The following L3MBTL4 variants were observed in gnomAD, a reference collection of about 807,000 sequenced individuals.
L3MBTL4 encodes the protein lethal(3)malignant brain tumor-like protein 4.
L3MBTL4 carries 70 observed loss-of-function variants against 84.5 expected under a neutral mutation model. The observed-to-expected ratio is 0.83, with a 90% CI of 0.68 to 1.01. The LOEUF (loss-of-function observed/expected upper bound fraction) is 1.01. L3MBTL4 is among the 50% of genes least tolerant of loss of function. The pLI, the probability that L3MBTL4 is intolerant of heterozygous loss-of-function variation, is 0.00. For synonymous variants in L3MBTL4, 274 were observed against 259.8 expected, an observed-to-expected ratio of 1.05 and a Z score of -0.52; for missense variants, 715 against 754.8, an observed-to-expected ratio of 0.95 and a Z score of 0.62.
chr18:6,289,347 T>A (rs911667349), intron 4 of L3MBTL4, among the ~76,000 whole-genome samples: 4 of 152,186 alleles, frequency 2.6e-5, no homozygotes. Flanking sequence ...CAACAAGGTT[T>A]TTTTGAAATA....
At chr18:6,218,810 A>T (rs995873673) in intron 10 of L3MBTL4, among the ~76,000 whole-genome samples, 8 of 152,190 alleles carry the variant, frequency 5.3e-5, no homozygotes, top group African/African-American at 1.9e-4. Context: ...CCCAGCCCTG[A>T]GTCCTGGTAG....
intron 7 of L3MBTL4, among the ~76,000 whole-genome samples, chr18:6,242,783 C>T (rs552370725): frequency 2.6e-5 from 4 of 152,330 alleles, no homozygotes; most frequent in Admixed American, 2.6e-4. Flanking sequence ...GTTTTGGTCA[C>T]ATCTGCCTGG....
intron 5 of L3MBTL4, among the ~76,000 whole-genome samples, chr18:6,252,658 G>A (rs1333209032): frequency 6.6e-6 from 1 of 152,158 alleles, no homozygotes; most frequent in East Asian, 1.9e-4. Context: ...GATACTAAAT[G>A]AGCAGGCAGG....
In L3MBTL4 at chr18:6,283,995, T is replaced by A. The variant is rs542127535; in HGVS notation, c.127+17908A>T. ...AAATAACCAAAGTCTGGGCGATCAT[T>A]CTCTACGTATGTGGCCGGCAGCCAC... On this transcript the variant is annotated intron_variant, in intron 4 of 18. Coordinates refer to ENST00000317931, the MANE Select transcript of L3MBTL4 (RefSeq NM_001330559.2). Among the ~76,000 whole-genome samples, 20 of 152,346 alleles carry A rather than the reference T, an allele frequency of 1.3e-4. No individual in the cohort carries two copies. In the East Asian group the frequency reaches 2.5e-3, roughly 19 times the overall value.
intron 16 of L3MBTL4, chr18:6,029,689 A>G: frequency 1.0e-6 from 1 of 985,322 alleles, no homozygotes; most frequent in Non-Finnish European, 1.2e-6. Context: ...TACTATGGTC[A>G]AGTTCACAAA....
At chr18:5,999,928 G>A (rs946393149) in intron 16 of L3MBTL4, among the ~76,000 whole-genome samples, 4 of 152,148 alleles carry the variant, frequency 2.6e-5, no homozygotes, top group African/African-American at 7.2e-5. Flanking sequence ...GCTACACAGA[G>A]AATAGTCCAG....
intron 16 of L3MBTL4, among the ~76,000 whole-genome samples, chr18:6,080,458 T>C (rs1482952813): frequency 6.6e-6 from 1 of 152,234 alleles, no homozygotes; most frequent in African/African-American, 2.4e-5. Context: ...TCTGATGGTT[T>C]AATTTTTTGC....
chr18:6,338,845 TAAAAC>T (rs1290370678), intron 1 of L3MBTL4, among the ~76,000 whole-genome samples: 10 of 152,140 alleles, frequency 6.6e-5, no homozygotes, highest in Admixed American at 6.5e-4. Flanking sequence ...AAAAGATTGA[TAAAAC>T]TATACTAATA....
At position 6,213,180 on chromosome 18, in the gene L3MBTL4, G is replaced by A. The variant is rs764868062; in HGVS notation, c.950C>T (p.Thr317Met). 8 of 1,605,494 alleles carry A rather than the reference G, an allele frequency of 5.0e-6. No individual in the cohort carries two copies. Among genetic ancestry groups the A allele is most frequent in the South Asian group, 1.1e-5 (1 of 88,780 alleles). ...TCTTTGGTCATCAACATCTACAATCGTAGCAACACGAATTAACCTGGGGTT... is the reference window on the plus strand; with the variant it reads ...TCTTTGGTCATCAACATCTACAATCATAGCAACACGAATTAACCTGGGGTT... ...KRNPRLIRVA[T>M]IVDVDDQRVK... The change falls in exon 12 of 19, where the codon ACG (threonine) becomes ATG (methionine). Residue 317 changes from threonine (T) to methionine (M), a missense_variant. Coordinates refer to ENST00000317931, the MANE Select transcript of L3MBTL4 (RefSeq NM_001330559.2).
At chr18:6,032,537 T>TA (rs1202934021) in intron 16 of L3MBTL4, among the ~76,000 whole-genome samples, 1 of 144,540 alleles carries the variant, frequency 6.9e-6, no homozygotes, top group Non-Finnish European at 1.5e-5. Context: ...TTTTATCCTG[T>TA]TTTTTTTTTA....
chr18:6,148,212 T>A (rs1296693301), intron 13 of L3MBTL4, among the ~76,000 whole-genome samples: 1 of 152,202 alleles, frequency 6.6e-6, no homozygotes, highest in Non-Finnish European at 1.5e-5. Context: ...CATTCAAAAA[T>A]GTCACATTAG....
Position 6,209,644 on chromosome 18 carries a change from T to A in L3MBTL4, c.981+3505A>T, listed in dbSNP as rs370813332. Among the ~76,000 whole-genome samples, 12 of 152,234 alleles carry A rather than the reference T, an allele frequency of 7.9e-5. No individual in the cohort carries two copies. The East Asian group carries it at 1.9e-3, about 24-fold the overall frequency. ...TATGACCCAGCAATTCCACTCGTAG[T>A]TATATATCCAAAAGAAATGAAAACA... On this transcript the variant is annotated intron_variant, in intron 12 of 18. Coordinates refer to ENST00000317931, the MANE Select transcript of L3MBTL4 (RefSeq NM_001330559.2).
rs1446552651 is a variant in L3MBTL4 at position 5,958,041 on chromosome 18, G to GAGA, written c.1678-1655_1678-1654insTCT. ...GGAGAAGGAGAAAGAGGAGGAGGAGGAGGAGAAGGAGAAGGAGAAGGAGAA... is the reference window on the plus strand; with the variant it reads ...GGAGAAGGAGAAAGAGGAGGAGGAGGAGAAGGAGAAGGAGAAGGAGAAGGAGAA... On this transcript the variant is annotated intron_variant, in intron 18 of 18. Transcript: ENST00000317931. Among the ~76,000 whole-genome samples the GAGA allele has an allele frequency of 4.3e-4, 59 of 135,924 alleles. 1 individual carries two copies. The highest frequency in any genetic ancestry group is 2.3e-3 in the East Asian group (10 of 4,408). The allele number at this position is 135,924 out of a possible 152,430, so 89.2% of individuals were successfully genotyped here.
intron 4 of L3MBTL4, among the ~76,000 whole-genome samples, chr18:6,286,567 T>G (rs77147500): frequency 0.044 from 6,745 of 152,288 alleles, 447 homozygotes; most frequent in African/African-American, 0.14. Flanking sequence ...CCAGCTGGTC[T>G]GTGTGTATGC....
chr18:6,397,924 T>A (rs1029183641), intron 1 of L3MBTL4: 3 of 152,136 alleles, frequency 2.0e-5, no homozygotes, highest in African/African-American at 7.2e-5. Context: ...TAACCCCTCC[T>A]CTTCACTGTG....
At chr18:6,212,440 T>C (rs2046149632) in intron 12 of L3MBTL4, among the ~76,000 whole-genome samples, 1 of 152,206 alleles carries the variant, frequency 6.6e-6, no homozygotes, top group African/African-American at 2.4e-5. Context: ...TATACTTGCA[T>C]GGAAAATAAC....
chr18:6,308,030 GA>G (rs1199653910), intron 3 of L3MBTL4, among the ~76,000 whole-genome samples: 2 of 151,688 alleles, frequency 1.3e-5, no homozygotes, highest in Admixed American at 6.6e-5. Flanking sequence ...AAATCACCCT[GA>G]AAAAAAACAG....
At chr18:6,233,354 C>G (rs531519051) in intron 10 of L3MBTL4, among the ~76,000 whole-genome samples, 28 of 149,652 alleles carry the variant, frequency 1.9e-4, no homozygotes, top group Non-Finnish European at 3.4e-4. Context: ...AAAGGATATT[C>G]AATTAGGAAA....
In L3MBTL4 at chr18:6,313,119, GC is replaced by G. The variant is rs34420266; in HGVS notation, c.-90-1064del. ...TATTGTAGTTTTTGTTTGCAGATAT[GC>G]CTCCCTTTATGAGGCTGTAACCATC... is the stretch of plus-strand genomic sequence containing the variant. On this transcript the variant is annotated intron_variant, in intron 1 of 18. Coordinates refer to ENST00000317931, the MANE Select transcript of L3MBTL4 (RefSeq NM_001330559.2). Among the ~76,000 whole-genome samples the G allele has an allele frequency of 5.9e-3, 903 of 152,228 alleles. 12 individuals are homozygous for G. Among genetic ancestry groups the G allele is most frequent in the African/African-American group, 0.021 (871 of 41,542 alleles).
Sources: allele counts gnomAD v4.1 joint callset (sites outside exome capture counted in the v4.1 genomes callset), GRCh38; gene constraint gnomAD v4.1.1; transcripts MANE v1.5; gene names NCBI Gene and HGNC (gene_info 2026-07-23, HGNC 2026-07-21).